Variants in CDH12 observed in about 807,000 individuals in gnomAD.
CDH12 encodes cadherin-12.
Under a neutral mutation model 74.1 loss-of-function variants are expected in CDH12, and 41 were observed. The observed-to-expected ratio is 0.55, with a 90% CI of 0.43 to 0.72. The LOEUF (loss-of-function observed/expected upper bound fraction) is 0.72, where lower values mean the gene tolerates loss of function less well. Ranked by LOEUF, CDH12 falls within the 30% of genes least tolerant of loss-of-function variation. CDH12 has a pLI of 0.00. For synonymous variants in CDH12, 399 were observed against 355.0 expected, an observed-to-expected ratio of 1.12 and a Z score of -1.39; for missense variants, 945 against 977.2, an observed-to-expected ratio of 0.97 and a Z score of 0.44.
chr5:22,616,899 C>G (rs1737718317), intron 1 of CDH12, among the ~76,000 whole-genome samples: 1 of 151,938 alleles, frequency 6.6e-6, no homozygotes, highest in Admixed American at 6.6e-5. Flanking sequence ...GGGTCCCCCT[C>G]TGCCTCTCAT....
intron 3 of CDH12, among the ~76,000 whole-genome samples, chr5:22,351,279 A>G (rs931190169): frequency 6.6e-5 from 10 of 152,196 alleles, no homozygotes; most frequent in African/African-American, 2.4e-4. Context: ...ATGGAAGCAA[A>G]TAAGAAAGAA....
intron 1 of CDH12, among the ~76,000 whole-genome samples, chr5:22,527,206 A>C (rs1367584866): frequency 6.6e-6 from 1 of 152,144 alleles, no homozygotes; most frequent in Non-Finnish European, 1.5e-5. Context: ...AGTATAAATT[A>C]GTATAAATTC....
chr5:22,095,654 GC>G (rs758426171), intron 4 of CDH12, among the ~76,000 whole-genome samples: 5 of 151,056 alleles, frequency 3.3e-5, no homozygotes, highest in African/African-American at 4.9e-5. Context: ...TTTCTAGGGG[GC>G]AAGAACCCCC....
chr5:22,556,485 T>C (rs915679388), intron 1 of CDH12, among the ~76,000 whole-genome samples: 1 of 152,102 alleles, frequency 6.6e-6, no homozygotes, highest in Non-Finnish European at 1.5e-5. Flanking sequence ...TCAACATGCA[T>C]TGTATATATC....
chr5:22,014,299 T>C (rs576334274), intron 5 of CDH12, among the ~76,000 whole-genome samples: 28 of 152,272 alleles, frequency 1.8e-4, no homozygotes, highest in Admixed American at 1.6e-3. Context: ...TTATAATTGG[T>C]TGGAATATCC....
intron 6 of CDH12, among the ~76,000 whole-genome samples, chr5:21,951,209 G>C (rs1306816819): frequency 6.6e-6 from 1 of 152,018 alleles, no homozygotes; most frequent in African/African-American, 2.4e-5. Context: ...ATTAGACCTA[G>C]AAATAGCCAC....
intron 1 of CDH12, among the ~76,000 whole-genome samples, chr5:22,582,913 T>A (rs1315596226): frequency 4.6e-5 from 7 of 152,134 alleles, no homozygotes; most frequent in Non-Finnish European, 1.0e-4. Flanking sequence ...GGGGGATTGA[T>A]ATAAACCCTC....
intron 1 of CDH12, among the ~76,000 whole-genome samples, chr5:22,586,570 T>C (rs1456644330): frequency 4.6e-5 from 7 of 151,276 alleles, no homozygotes; most frequent in Non-Finnish European, 1.0e-4. Flanking sequence ...GAAAAAATTA[T>C]TGAAAATCAA....
chr5:22,664,248 C>T (rs2126902380), intron 1 of CDH12, among the ~76,000 whole-genome samples: 1 of 152,220 alleles, frequency 6.6e-6, no homozygotes, highest in Non-Finnish European at 1.5e-5. Flanking sequence ...TACTGTTATA[C>T]AGAATTGCCC....
intron 1 of CDH12, among the ~76,000 whole-genome samples, chr5:22,800,084 A>C (rs1046726465): frequency 1.3e-5 from 2 of 152,208 alleles, no homozygotes; most frequent in African/African-American, 4.8e-5. Context: ...CTGAGGAGGT[A>C]GTAGTTAATT....
intron 2 of CDH12, among the ~76,000 whole-genome samples, chr5:22,448,247 T>C (rs1048908833): frequency 6.7e-6 from 1 of 150,364 alleles, no homozygotes; most frequent in Admixed American, 6.6e-5. Flanking sequence ...TTTTAAGTAA[T>C]AGATTAAAGT....
intron 1 of CDH12, among the ~76,000 whole-genome samples, chr5:22,802,431 A>T (rs1331179263): frequency 6.6e-6 from 1 of 152,040 alleles, no homozygotes; most frequent in East Asian, 1.9e-4. Context: ...AGAATATTAA[A>T]TTCTAATTTC....
At chr5:22,738,824 G>C (rs1042759364) in intron 1 of CDH12, among the ~76,000 whole-genome samples, 3 of 151,942 alleles carry the variant, frequency 2.0e-5, no homozygotes, top group Non-Finnish European at 4.4e-5. Context: ...ATTGACATTA[G>C]ACTTCTGCCA....
intron 1 of CDH12, among the ~76,000 whole-genome samples, chr5:22,721,319 G>A (rs933332283): frequency 1.3e-5 from 2 of 152,230 alleles, no homozygotes; most frequent in African/African-American, 4.8e-5. Context: ...TGAAGTCAAA[G>A]GAGATTATTT....
chr5:22,235,459 T>C (rs1752528995), intron 3 of CDH12, among the ~76,000 whole-genome samples: 1 of 151,940 alleles, frequency 6.6e-6, no homozygotes, highest in Non-Finnish European at 1.5e-5. Flanking sequence ...TGGGCACCTG[T>C]AGTCCCAGAT....
Position 21,972,464 on chromosome 5 carries a change from C to T in CDH12, c.526+2627G>A, listed in dbSNP as rs1376108213. ...GGAAAATGATACAGAGGGAGAATTG[C>T]CTCGATTATATGAGAGAAAAAAAAG... On this transcript the variant is annotated intron_variant, in intron 6 of 14. Coordinates refer to ENST00000382254, the MANE Select transcript of CDH12 (RefSeq NM_004061.5). Among the ~76,000 whole-genome samples, 3 of 152,104 alleles carry T rather than the reference C, an allele frequency of 2.0e-5. No homozygotes were observed. The East Asian group carries it at 5.8e-4, about 29-fold the overall frequency.
chr5:22,088,406 C>T (rs1027612681), intron 4 of CDH12, among the ~76,000 whole-genome samples: 1 of 152,062 alleles, frequency 6.6e-6, no homozygotes, highest in Non-Finnish European at 1.5e-5. Context: ...ATACTGGGAC[C>T]TCCTCTCCTT....
chr5:22,491,197 C>G (rs921415269), intron 2 of CDH12, among the ~76,000 whole-genome samples: 1 of 152,106 alleles, frequency 6.6e-6, no homozygotes, highest in South Asian at 2.1e-4. Context: ...CATCTTTGTG[C>G]CCATGTGTAC....
At chr5:22,293,370 G>A (rs1218856136) in intron 3 of CDH12, among the ~76,000 whole-genome samples, 1 of 152,016 alleles carries the variant, frequency 6.6e-6, no homozygotes. Context: ...TCCTTCATTT[G>A]AGTGCTCATT....
Sources: gnomAD v4.1 joint callset for allele counts (sites outside exome capture counted in the v4.1 genomes callset) on GRCh38, gnomAD v4.1.1 for gene constraint, MANE v1.5 for transcripts, NCBI Gene and HGNC (gene_info 2026-07-23, HGNC 2026-07-21) for gene names.